The following KIF3A variants were observed in gnomAD, a reference collection of about 807,000 sequenced individuals.
KIF3A encodes the protein kinesin family member 3A.
Under a neutral mutation model 92.6 loss-of-function variants are expected in KIF3A, and 27 were observed. The observed-to-expected ratio is 0.29, with a 90% CI of 0.21 to 0.40. KIF3A has a LOEUF of 0.40. Ranked by LOEUF, KIF3A falls within the 10% of genes least tolerant of loss-of-function variation. The probability of loss-of-function intolerance (pLI) is 1.00; values close to 1 mark genes in which losing one functional copy is unlikely to be tolerated. For synonymous variants in KIF3A, 250 were observed against 275.4 expected, an observed-to-expected ratio of 0.91 and a Z score of 0.92; for missense variants, 581 against 872.6, an observed-to-expected ratio of 0.67 and a Z score of 4.21.
intron 1 of KIF3A, among the ~76,000 whole-genome samples, chr5:132,735,295 G>A (rs1010591585): frequency 2.6e-5 from 4 of 152,028 alleles, no homozygotes; most frequent in African/African-American, 7.3e-5. Flanking sequence ...GGCTGGTCTC[G>A]AACTCCTGAC....
chr5:132,708,757 T>G, intron 10 of KIF3A, 150 bp downstream of exon 10: 1 of 518,582 alleles, frequency 1.9e-6, no homozygotes, highest in East Asian at 2.9e-5. Flanking sequence ...TGAAAGGGGG[T>G]GGAGGAATCA....
intron 18 of KIF3A, 92 bp from the exon 19 acceptor site, chr5:132,696,774 T>C (rs1218425227): frequency 7.2e-6 from 7 of 973,988 alleles, no homozygotes; most frequent in Non-Finnish European, 6.4e-6. Context: ...TGGGGTGGCC[T>C]GTATAGTCTG....
intron 8 of KIF3A, among the ~76,000 whole-genome samples, chr5:132,712,708 G>A (rs767590256): frequency 1.7e-4 from 26 of 152,196 alleles, no homozygotes; most frequent in Non-Finnish European, 3.5e-4. Flanking sequence ...TAGATTTGCA[G>A]TGGAGAAACT....
Position 132,700,621 on chromosome 5 carries a change from C to A in KIF3A, c.1938+26G>T, listed in dbSNP as rs771468028. ...CATAGGAAGTACTCTTTAATTATTA[C>A]GTGAAAGAATGAAGGTAATACTCAC... On this transcript the variant is annotated intron_variant, in intron 16 of 18. Transcript: ENST00000403231. The A allele has an allele frequency of 3.8e-5, 56 of 1,469,852 alleles. No homozygotes were observed. In the Middle Eastern group the frequency reaches 8.7e-4, roughly 23 times the overall value. The allele number at this position is 1,469,852 out of a possible 1,614,324, so 91.1% of individuals were successfully genotyped here. A position where few individuals can be genotyped will look rare whatever the true frequency, so the allele number is the denominator to read the frequency against.
At chr5:132,709,618 T>C (rs1057357297) in intron 9 of KIF3A, among the ~76,000 whole-genome samples, 1 of 152,222 alleles carries the variant, frequency 6.6e-6, no homozygotes, top group Admixed American at 6.5e-5. Context: ...AAATCTGTTA[T>C]CAGCTTTAGC....
At chr5:132,717,337 T>G (rs1753660673) in intron 5 of KIF3A, among the ~76,000 whole-genome samples, 1 of 152,166 alleles carries the variant, frequency 6.6e-6, no homozygotes, top group Non-Finnish European at 1.5e-5. Context: ...GCTGGTGTAC[T>G]GCAGGAAGTA....
downstream of KIF3A, among the ~76,000 whole-genome samples, chr5:132,690,113 G>A (rs1752626898): frequency 6.6e-6 from 1 of 152,226 alleles, no homozygotes; most frequent in Admixed American, 6.5e-5. Flanking sequence ...CTACTTGGCA[G>A]GCTGAGGCCG....
rs1398696238 is a variant in KIF3A at position 132,703,503 on chromosome 5, C to T, written c.1426G>A (p.Ala476Thr). ...TCTTTTTCCCGTTTCTCTAATTCAG[C>T]TCTAGCCTTGTTTCTTTCTTCTTCT... ...MEEEERNKARAELEKREKDLL... is the reference protein window; with the variant it reads ...MEEEERNKARTELEKREKDLL... Residue 476 changes from alanine to threonine, a missense_variant, in exon 12 of 19, where the codon GCT becomes ACT. Transcript: ENST00000403231. The T allele has an allele frequency of 4.3e-6, 7 of 1,612,334 alleles. No individual in the cohort carries two copies. The highest frequency in any genetic ancestry group is 5.9e-6 in the Non-Finnish European group (7 of 1,179,026).
At chr5:132,736,929 A>C (rs1436455997) in intron 1 of KIF3A, 2 of 330,218 alleles carry the variant, frequency 6.1e-6, no homozygotes, top group East Asian at 8.9e-5. Flanking sequence ...CATAAGCTAA[A>C]GCGCCACAAG....
At position 132,730,798 on chromosome 5, in the gene KIF3A, A is replaced by T. The variant is rs141728852; in HGVS notation, c.280+3407T>A. The stretch of plus-strand genomic sequence containing the variant: ...GACAGAGTGAGACCCTGTTTCAAGA[A>T]AAAAATAATAATAATAGAAAAAATT... On this transcript the variant is annotated intron_variant, in intron 2 of 18. Coordinates refer to ENST00000403231, the MANE Select transcript of KIF3A (RefSeq NM_001300791.2). Among the ~76,000 whole-genome samples, 677 of 152,022 alleles carry T rather than the reference A, an allele frequency of 4.5e-3. 4 individuals are homozygous for T. Among genetic ancestry groups the T allele is most frequent in the African/African-American group, 0.015 (630 of 41,454 alleles).
chr5:132,715,115 G>C (rs892983065), intron 8 of KIF3A, among the ~76,000 whole-genome samples: 2 of 152,124 alleles, frequency 1.3e-5, no homozygotes, highest in South Asian at 4.2e-4. Context: ...GTTCGCGAAG[G>C]AGCTCTGTAC....
intron 8 of KIF3A, among the ~76,000 whole-genome samples, chr5:132,713,877 G>A (rs1334281914): frequency 7.0e-6 from 1 of 142,132 alleles, no homozygotes; most frequent in Non-Finnish European, 1.5e-5. Context: ...GACAAATGCT[G>A]TATTTCACTT....
intron 1 of KIF3A, among the ~76,000 whole-genome samples, chr5:132,735,291 TCTCGAA>T (rs1447561964): frequency 6.6e-6 from 1 of 152,128 alleles, no homozygotes; most frequent in African/African-American, 2.4e-5. Context: ...GCCAGGCTGG[TCTCGAA>T]CTCCTGACCG....
intron 8 of KIF3A, among the ~76,000 whole-genome samples, chr5:132,713,192 C>A (rs1036731600): frequency 7.9e-5 from 12 of 151,350 alleles, no homozygotes; most frequent in Non-Finnish European, 1.3e-4. Flanking sequence ...ACAACAACAA[C>A]AAAACAAAGA....
intron 10 of KIF3A, among the ~76,000 whole-genome samples, chr5:132,707,175 A>G (rs1753241064): frequency 6.6e-6 from 1 of 152,010 alleles, no homozygotes; most frequent in Non-Finnish European, 1.5e-5. Flanking sequence ...AAAATGAAGT[A>G]TACCTGTACA....
chr5:132,712,435 A>G (rs1239026046), intron 8 of KIF3A, among the ~76,000 whole-genome samples: 2 of 152,250 alleles, frequency 1.3e-5, no homozygotes, highest in African/African-American at 4.8e-5. Flanking sequence ...CATGATCTAA[A>G]TAAGATAAAT....
chr5:132,735,559 G>C (rs1428236638), intron 1 of KIF3A, among the ~76,000 whole-genome samples: 1 of 152,160 alleles, frequency 6.6e-6, no homozygotes, highest in Non-Finnish European at 1.5e-5. Flanking sequence ...ACAAGTAACA[G>C]ATTATATCAG....
chr5:132,726,786 G>T (rs948728539), intron 2 of KIF3A, among the ~76,000 whole-genome samples: 2 of 152,158 alleles, frequency 1.3e-5, no homozygotes, highest in Non-Finnish European at 2.9e-5. Flanking sequence ...GACATTTCTT[G>T]TCATGTGTAT....
intron 18 of KIF3A, chr5:132,698,078 T>G (rs778582764): frequency 6.6e-6 from 1 of 152,222 alleles, no homozygotes; most frequent in Non-Finnish European, 1.5e-5. Flanking sequence ...TGTACATTTT[T>G]AATATTCAAC....
Sources: allele counts gnomAD v4.1 joint callset (sites outside exome capture counted in the v4.1 genomes callset), GRCh38; gene constraint gnomAD v4.1.1; transcripts MANE v1.5; gene names NCBI Gene and HGNC (gene_info 2026-07-23, HGNC 2026-07-21).